The following SAMD8 variants were observed in gnomAD, a reference collection of about 807,000 sequenced individuals.
The protein encoded by SAMD8 is sphingomyelin synthase-related protein 1.
In SAMD8, 20 loss-of-function variants were observed where a neutral mutation model predicts 42.0. That is an observed-to-expected ratio of 0.48 (90% CI 0.34 to 0.69). The LOEUF (loss-of-function observed/expected upper bound fraction) is 0.69, where lower values mean the gene tolerates loss of function less well. Ranked by LOEUF, SAMD8 falls within the 30% of genes least tolerant of loss-of-function variation. The pLI is 0.01. For synonymous variants in SAMD8, 162 were observed against 173.0 expected (o/e 0.94, Z 0.50); for missense variants, 328 against 511.6 (o/e 0.64, Z 3.46).
chr10:75,104,032 C>G (rs1280937381), intron 1 of SAMD8: 1 of 1,363,082 alleles, frequency 7.3e-7, no homozygotes, highest in Non-Finnish European at 9.8e-7. Context: ...CCTCCAGCAG[C>G]ACCAGCAGGA....
At chr10:75,123,413 T>G (rs1276057352) in intron 1 of SAMD8, among the ~76,000 whole-genome samples, 1 of 152,150 alleles carries the variant, frequency 6.6e-6, no homozygotes, top group Non-Finnish European at 1.5e-5. Context: ...TGACAGCATG[T>G]TAAGAGAGGG....
chr10:75,113,928 T>C (rs553050297), intron 1 of SAMD8, among the ~76,000 whole-genome samples: 1 of 152,358 alleles, frequency 6.6e-6, no homozygotes, highest in South Asian at 2.1e-4. Flanking sequence ...TTAATGTTAT[T>C]GCAAAATTAA....
chr10:75,112,290 G>A (rs1848789137), intron 1 of SAMD8, among the ~76,000 whole-genome samples: 1 of 152,230 alleles, frequency 6.6e-6, no homozygotes, highest in East Asian at 1.9e-4. Flanking sequence ...GCTGTTGGAT[G>A]GGAAATCGTC....
At chr10:75,150,420 G>A (rs1361603486) in intron 1 of SAMD8, 94 bp from the exon 2 acceptor site, 1 of 1,475,750 alleles carries the variant, frequency 6.8e-7, no homozygotes, top group Non-Finnish European at 9.0e-7. Flanking sequence ...ACTGCGCCTG[G>A]CCTGTTTCTG....
chr10:75,172,483 C>G (rs563133678), intron 4 of SAMD8, among the ~76,000 whole-genome samples: 1 of 151,676 alleles, frequency 6.6e-6, no homozygotes. Flanking sequence ...CACAGGCACA[C>G]GCCACCACAG....
In SAMD8 at chr10:75,176,053, C is replaced by G. The variant is rs1284425196; in HGVS notation, c.793-13C>G. 1 of 1,606,446 alleles carries G rather than the reference C, an allele frequency of 6.2e-7. No individual in the cohort carries two copies. The highest frequency in any genetic ancestry group is 1.1e-5 in the South Asian group (1 of 90,092). On this transcript the variant is annotated splice_polypyrimidine_tract_variant and intron_variant, in intron 4 of 5. Coordinates refer to ENST00000542569, the MANE Select transcript of SAMD8 (RefSeq NM_001174156.2). This position sits in a 1 kb window ranked among gnomAD's most constrained non-coding sequence, Gnocchi z 4.3. ...AAGCATTTGAAGCACTAATTCATAA[C>G]TTTTCTTCATAGATATATGGCAGTG...
At chr10:75,107,846 G>A (rs1304796405), upstream of SAMD8, 2 of 1,034,316 alleles carry the variant, frequency 1.9e-6, no homozygotes, top group African/African-American at 1.6e-5. Flanking sequence ...CAAAGTGCTA[G>A]GATTACAAGC....
At chr10:75,161,616 G>A (rs1038451116) in intron 2 of SAMD8, among the ~76,000 whole-genome samples, 14 of 152,024 alleles carry the variant, frequency 9.2e-5, no homozygotes, top group East Asian at 1.9e-4. Flanking sequence ...AAAAACTTTC[G>A]TGTTTTCAAG....
chr10:75,163,408 C>T (rs1386030400), intron 2 of SAMD8, among the ~76,000 whole-genome samples: 1 of 151,910 alleles, frequency 6.6e-6, no homozygotes, highest in Non-Finnish European at 1.5e-5. Flanking sequence ...TCCTCCCTTC[C>T]TCCCTACCTT....
At position 75,164,726 on chromosome 10, in the gene SAMD8, T is replaced by C; in HGVS notation, c.660T>C (p.Leu220=). The stretch of plus-strand genomic sequence containing the variant: ...GCTATATTTGGCTCCTGGTTCTTCT[T>C]CTTCACAAGCACAGGTACCTCATTA... ...ILCYIWLLVL[L]LHKHRSILLR... is the part of the protein sequence containing the mutation. The change falls in exon 3 of 6, where the codon CTT becomes CTC. Residue 220 remains leucine, a synonymous_variant. Transcript: ENST00000542569. The C allele has an allele frequency of 6.2e-7, 1 of 1,612,806 alleles. No homozygotes were observed. The highest frequency in any genetic ancestry group is 8.5e-7 in the Non-Finnish European group (1 of 1,178,820).
chr10:75,139,780 T>C (rs1839975109), intron 1 of SAMD8, among the ~76,000 whole-genome samples: 1 of 152,222 alleles, frequency 6.6e-6, no homozygotes, highest in East Asian at 1.9e-4. Flanking sequence ...CTAAAAACCC[T>C]AAAAATCCTT....
intron 2 of SAMD8, among the ~76,000 whole-genome samples, chr10:75,155,018 A>AGTCACTACGACTGCAGGTGTGT (rs1310143590): frequency 6.6e-6 from 1 of 152,066 alleles, no homozygotes; most frequent in Non-Finnish European, 1.5e-5. Flanking sequence ...TAGCCTCCCG[A>AGTCACTACGACTGCAGGTGTGT]GTCACTACGA....
chr10:75,122,150 A>G (rs1045104832), intron 1 of SAMD8, among the ~76,000 whole-genome samples: 1 of 152,170 alleles, frequency 6.6e-6, no homozygotes, highest in Non-Finnish European at 1.5e-5. Flanking sequence ...TTCTTATTGT[A>G]TGGAATATAG....
intron 1 of SAMD8, among the ~76,000 whole-genome samples, chr10:75,141,458 C>T (rs1231313774): frequency 6.6e-6 from 1 of 151,132 alleles, no homozygotes; most frequent in African/African-American, 2.4e-5. Context: ...TTGGTATAGT[C>T]TATTGAATTT....
At chr10:75,158,020 A>G (rs1564690983) in intron 2 of SAMD8, among the ~76,000 whole-genome samples, 1 of 151,778 alleles carries the variant, frequency 6.6e-6, no homozygotes, top group African/African-American at 2.4e-5. Context: ...TTAGCCAGGC[A>G]TGGTGGTGCA....
At position 75,171,160 on chromosome 10, in the gene SAMD8, C is replaced by CTTTTTTTTTTTTTTTTTTT. The variant is rs1003923090; in HGVS notation, c.792+2508_792+2526dup. Among the ~76,000 whole-genome samples the CTTTTTTTTTTTTTTTTTTT allele has an allele frequency of 9.8e-4, 67 of 68,530 alleles. 1 individual carries two copies. Among genetic ancestry groups the CTTTTTTTTTTTTTTTTTTT allele is most frequent in the Middle Eastern group, 0.013 (1 of 76 alleles). The allele number at this position is 68,530 out of a possible 152,430, so 45.0% of individuals were successfully genotyped here. ...TCCTTTTCTTTCTTTCTTTCTTTTT[C>CTTTTTTTTTTTTTTTTTTT]TTTTTTTTTTTTTTTTTTTTTTTTG... On this transcript the variant is annotated intron_variant, in intron 4 of 5. Transcript: ENST00000542569.
rs1307141087 is a variant in SAMD8 at position 75,181,029 on chromosome 10, A to G, written c.*4337A>G. The G allele has an allele frequency of 1.3e-5, 2 of 152,230 alleles. No individual in the cohort carries two copies. Among genetic ancestry groups the G allele is most frequent in the African/African-American group, 4.8e-5 (2 of 41,476 alleles). 9.4% of individuals were successfully genotyped at this position (152,230 alleles called of 1,614,324 possible). ...AAATGTAATTATTTTATAGTCTTTT[A>G]TAGACTTACATTTTCTTCATACTAA... On this transcript the variant is annotated 3_prime_UTR_variant, in exon 6 of 6. Transcript: ENST00000542569.
chr10:75,173,549 G>T (rs569898332), intron 4 of SAMD8, among the ~76,000 whole-genome samples: 11 of 152,084 alleles, frequency 7.2e-5, no homozygotes, highest in Non-Finnish European at 1.2e-4. Context: ...TCCTATCCTT[G>T]GTTGAGACAT....
At chr10:75,144,214 A>G (rs1840085839) in intron 1 of SAMD8, among the ~76,000 whole-genome samples, 1 of 151,668 alleles carries the variant, frequency 6.6e-6, no homozygotes, top group Admixed American at 6.6e-5. Context: ...GTGACCGCCT[A>G]CCTCGGCCTC....
Sources: allele counts gnomAD v4.1 joint callset (sites outside exome capture counted in the v4.1 genomes callset), GRCh38; gene constraint gnomAD v4.1.1; non-coding constraint Gnocchi (gnomAD v3.1); transcripts MANE v1.5; gene names NCBI Gene and HGNC (gene_info 2026-07-23, HGNC 2026-07-21).